Variants in LAMC1 observed in about 807,000 individuals in gnomAD.
The protein encoded by LAMC1 is laminin subunit gamma 1, also known as laminin subunit gamma-1.
Under a neutral mutation model 173.6 loss-of-function variants are expected in LAMC1, and 38 were observed. That is an observed-to-expected ratio of 0.22 (90% CI 0.17 to 0.29). LAMC1 has a LOEUF of 0.29. Ranked by LOEUF, LAMC1 falls within the 10% of genes least tolerant of loss-of-function variation. LAMC1 has a pLI of 1.00. For missense variants in LAMC1, 1,824 were observed against 2,051.8 expected (o/e 0.89, Z 2.14); for synonymous variants, 746 against 749.1 (o/e 1.00, Z 0.07).
At chr1:183,030,731 G>A (rs1009668256) in intron 1 of LAMC1, among the ~76,000 whole-genome samples, 1 of 152,138 alleles carries the variant, frequency 6.6e-6, no homozygotes, top group African/African-American at 2.4e-5. Context: ...TGACTTGAAG[G>A]CAGCCTAGAT....
intron 1 of LAMC1, among the ~76,000 whole-genome samples, chr1:183,077,560 A>G (rs1364541549): frequency 6.6e-6 from 1 of 151,526 alleles, no homozygotes; most frequent in Non-Finnish European, 1.5e-5. Context: ...CCCCCCTCCC[A>G]TCCTTCCCAT....
At chr1:183,097,309 T>C (rs1045524551) in intron 1 of LAMC1, among the ~76,000 whole-genome samples, 3 of 152,234 alleles carry the variant, frequency 2.0e-5, no homozygotes, top group African/African-American at 7.2e-5. Context: ...AAGTTTTATA[T>C]GCCTAAAATC....
intron 1 of LAMC1, among the ~76,000 whole-genome samples, chr1:183,028,517 A>C (rs761860768): frequency 6.6e-6 from 1 of 152,214 alleles, no homozygotes; most frequent in East Asian, 1.9e-4. Context: ...GATTTCTCAC[A>C]ACGCAAGGAA....
chr1:183,142,497 A>G (rs1482508253), intron 27 of LAMC1, 37 bp from the exon 28 acceptor site: 18 of 1,560,984 alleles, frequency 1.2e-5, no homozygotes, highest in Non-Finnish European at 1.5e-5. Flanking sequence ...CTTACTGAAT[A>G]TGTCTGTTCT....
intron 1 of LAMC1, among the ~76,000 whole-genome samples, chr1:183,055,146 G>A (rs879610590): frequency 5.3e-5 from 8 of 151,894 alleles, no homozygotes; most frequent in African/African-American, 9.7e-5. Flanking sequence ...CTGCCACCGC[G>A]CCTGGCTAAT....
intron 1 of LAMC1, among the ~76,000 whole-genome samples, chr1:183,072,027 C>T (rs1425174073): frequency 6.6e-6 from 1 of 152,150 alleles, no homozygotes; most frequent in Non-Finnish European, 1.5e-5. Context: ...CTAATTGGTC[C>T]TAGTCATGGT....
At chr1:183,036,538 G>A (rs1653988848) in intron 1 of LAMC1, among the ~76,000 whole-genome samples, 1 of 150,490 alleles carries the variant, frequency 6.6e-6, no homozygotes, top group African/African-American at 2.4e-5. Context: ...AAGTAGCTGC[G>A]ATTACAGGCA....
At chr1:183,049,463 G>GTTTTTTTTT (rs67306811) in intron 1 of LAMC1, among the ~76,000 whole-genome samples, 1 of 143,584 alleles carries the variant, frequency 7.0e-6, no homozygotes. Context: ...AGGTTTTTTT[G>GTTTTTTTTT]TTTTTTTTTT....
At chr1:183,026,812 TA>T (rs1250727297) in intron 1 of LAMC1, among the ~76,000 whole-genome samples, 20 of 152,188 alleles carry the variant, frequency 1.3e-4, no homozygotes, top group Admixed American at 3.9e-4. Context: ...GAAATGTAAG[TA>T]GTTATGTAAG....
rs1451376269 is a variant in LAMC1 at position 183,114,630 on chromosome 1, C to G, written c.1121C>G (p.Thr374Arg). Residue 374 changes from threonine to arginine, a missense_variant, in exon 5 of 28, where the codon ACA becomes AGA. Coordinates refer to ENST00000258341, the MANE Select transcript of LAMC1 (RefSeq NM_002293.4). Reference protein sequence around the residue: ...GGHCTNCQDNTDGAHCERCRE... With the variant: ...GGHCTNCQDNRDGAHCERCRE... ...CACTGTACCAACTGCCAGGATAACACAGATGGCGCCCACTGTGAGAGGTGC... is the reference window on the plus strand; with the variant it reads ...CACTGTACCAACTGCCAGGATAACAGAGATGGCGCCCACTGTGAGAGGTGC... The G allele has an allele frequency of 1.2e-6, 2 of 1,614,078 alleles. No individual in the cohort carries two copies. Among genetic ancestry groups the G allele is most frequent in the Non-Finnish European group, 1.7e-6 (2 of 1,180,046 alleles).
chr1:183,065,290 T>C (rs1290291467), intron 1 of LAMC1, among the ~76,000 whole-genome samples: 1 of 151,698 alleles, frequency 6.6e-6, no homozygotes, highest in African/African-American at 2.4e-5. Flanking sequence ...AGACAGAGAC[T>C]GTATATATAT....
rs1379334203 is a variant in LAMC1 at position 183,023,491 on chromosome 1, G to T, written c.-226G>T. 3 of 222,848 alleles carry T rather than the reference G, an allele frequency of 1.3e-5. No homozygotes were observed. Among genetic ancestry groups the T allele is most frequent in the Non-Finnish European group, 2.6e-5 (3 of 116,624 alleles). The allele number at this position is 222,848 out of a possible 1,614,324, so 13.8% of individuals were successfully genotyped here. A position where few individuals can be genotyped will look rare whatever the true frequency, so the allele number is the denominator to read the frequency against. ...GCTGCTCCCGGGGTAGGTGAGGGAA[G>T]CGCGGAGGCGGCGCGCGGGGGCAGT... On this transcript the variant is annotated 5_prime_UTR_variant, in exon 1 of 28. Coordinates refer to ENST00000258341, the MANE Select transcript of LAMC1 (RefSeq NM_002293.4).
At chr1:183,061,679 C>T (rs116472807) in intron 1 of LAMC1, among the ~76,000 whole-genome samples, 5,349 of 152,148 alleles carry the variant, frequency 0.035, 142 homozygotes, top group Non-Finnish European at 0.055. Context: ...ATCAGTTTTG[C>T]TCTGTGAATT....
chr1:183,090,938 T>C (rs1240804097), intron 1 of LAMC1, among the ~76,000 whole-genome samples: 1 of 152,208 alleles, frequency 6.6e-6, no homozygotes, highest in Non-Finnish European at 1.5e-5. Flanking sequence ...AGCTAAAGGT[T>C]ATTATTACAG....
intron 1 of LAMC1, among the ~76,000 whole-genome samples, chr1:183,060,281 T>G (rs188483930): frequency 6.6e-6 from 1 of 151,768 alleles, no homozygotes; most frequent in Admixed American, 6.6e-5. Flanking sequence ...TCTTAAGTAG[T>G]ATGGCATGCA....
intron 1 of LAMC1, among the ~76,000 whole-genome samples, chr1:183,028,312 G>A (rs902486401): frequency 2.0e-5 from 3 of 152,196 alleles, no homozygotes; most frequent in Non-Finnish European, 4.4e-5. Flanking sequence ...CGGATATTCT[G>A]CAAACATTTT....
Position 183,142,917 on chromosome 1 carries a change from T to A in LAMC1, c.*127T>A. ...CTGCTGCTGTCCATGACTGTCCTTT[T>A]GAACCAGGAAAAGTCACAGAGTTTA... is the stretch of plus-strand genomic sequence containing the variant. On this transcript the variant is annotated 3_prime_UTR_variant, in exon 28 of 28. Coordinates refer to ENST00000258341, the MANE Select transcript of LAMC1 (RefSeq NM_002293.4). 2.1e-6 allele frequency: 2 copies of A among 974,568 alleles called. No homozygotes were observed. The highest frequency in any genetic ancestry group is 2.5e-5 in the East Asian group (1 of 39,436). The allele number at this position is 974,568 out of a possible 1,614,324, so 60.4% of individuals were successfully genotyped here.
At position 183,122,260 on chromosome 1, in the gene LAMC1, G is replaced by C; in HGVS notation, c.2401+9G>C. 1 of 1,612,796 alleles carries C rather than the reference G, an allele frequency of 6.2e-7. No homozygotes were observed. The highest frequency in any genetic ancestry group is 1.1e-5 in the South Asian group (1 of 90,884). ...TCCTACTGGCACCACTGGTAAGTCT[G>C]CTCGCTTCATCTGCTTTCAGTGTTC... On this transcript the variant is annotated intron_variant, in intron 13 of 27. Coordinates refer to ENST00000258341, the MANE Select transcript of LAMC1 (RefSeq NM_002293.4).
At chr1:183,061,282 G>A (rs1023549450) in intron 1 of LAMC1, among the ~76,000 whole-genome samples, 6 of 152,090 alleles carry the variant, frequency 3.9e-5, no homozygotes, top group African/African-American at 1.4e-4. Context: ...TGAAAACTCT[G>A]CCTAAATCCT....
Sources: gnomAD v4.1 joint callset for allele counts (sites outside exome capture counted in the v4.1 genomes callset) on GRCh38, gnomAD v4.1.1 for gene constraint, MANE v1.5 for transcripts, NCBI Gene and HGNC (gene_info 2026-07-23, HGNC 2026-07-21) for gene names.